VAT1L: variants seen among roughly 807,000 people sequenced by gnomAD.
VAT1L encodes putative NADPH-dependent quinone oxidoreductase VAT1L.
In VAT1L, 34 loss-of-function variants were observed where a neutral mutation model predicts 44.1. The ratio of observed to expected loss-of-function variants is 0.77; its 90% confidence interval spans 0.59 to 1.03. The LOEUF is 1.03. Ranked by LOEUF, VAT1L falls within the 50% of genes least tolerant of loss-of-function variation. The pLI is 0.00. For synonymous variants in VAT1L, 253 were observed against 202.2 expected (o/e 1.25, Z -2.13); for missense variants, 615 against 538.8 (o/e 1.14, Z -1.40).
chr16:77,823,111 A>G (rs558650437), intron 2 of VAT1L, among the ~76,000 whole-genome samples: 2 of 152,144 alleles, frequency 1.3e-5, no homozygotes, highest in Admixed American at 6.5e-5. Flanking sequence ...ACTGAGGCTG[A>G]AGCAGCTCTA....
rs1409758135 is a variant in VAT1L, at chr16:77,884,093, G to T, written c.883-515G>T. Among the ~76,000 whole-genome samples, 6 of 152,096 alleles carry T rather than the reference G, an allele frequency of 3.9e-5. No individual in the cohort carries two copies. Among genetic ancestry groups the T allele is most frequent in the African/African-American group, 1.4e-4 (6 of 41,404 alleles). ...AGTTTTGGGCTCTCTCTCCCACTTA[G>T]ACCTGAGCGTCTCATAAGCATCAAT... On this transcript the variant is annotated intron_variant, in intron 6 of 8. Transcript: ENST00000302536. The surrounding 1 kb of genome is among the most constrained non-coding windows in gnomAD (Gnocchi z 4.5).
chr16:77,814,665 G>C (rs966966914), intron 1 of VAT1L, among the ~76,000 whole-genome samples: 9 of 152,178 alleles, frequency 5.9e-5, no homozygotes, highest in African/African-American at 1.7e-4. Flanking sequence ...AACACAATGA[G>C]CTAAAATATA....
intron 7 of VAT1L, among the ~76,000 whole-genome samples, chr16:77,910,103 GA>G (rs1299457427): frequency 6.6e-6 from 1 of 152,164 alleles, no homozygotes; most frequent in East Asian, 1.9e-4. Context: ...GCAAACATAT[GA>G]ATTATTCTCA....
At chr16:77,934,470 A>C (rs972076639) in intron 7 of VAT1L, among the ~76,000 whole-genome samples, 10 of 152,188 alleles carry the variant, frequency 6.6e-5, no homozygotes, top group Admixed American at 4.6e-4. Context: ...CAAACAAAAA[A>C]AAATGGATTC....
At chr16:77,956,194 A>G (rs2018101592) in intron 7 of VAT1L, among the ~76,000 whole-genome samples, 1 of 152,194 alleles carries the variant, frequency 6.6e-6, no homozygotes, top group Non-Finnish European at 1.5e-5. Flanking sequence ...TACCCCATAA[A>G]TATACATACT....
At chr16:77,923,034 G>A (rs561531459) in intron 7 of VAT1L, among the ~76,000 whole-genome samples, 12 of 152,306 alleles carry the variant, frequency 7.9e-5, no homozygotes, top group East Asian at 7.7e-4. Flanking sequence ...GCAGTTCCTT[G>A]CCACAGTGGT....
intron 3 of VAT1L, among the ~76,000 whole-genome samples, chr16:77,828,822 C>A (rs532623721): frequency 7.9e-5 from 12 of 152,230 alleles, no homozygotes; most frequent in Middle Eastern, 3.4e-3. Context: ...GAAATGGATT[C>A]GCCTCTTGAG....
At chr16:77,932,223 C>T (rs2017739817) in intron 7 of VAT1L, among the ~76,000 whole-genome samples, 1 of 151,342 alleles carries the variant, frequency 6.6e-6, no homozygotes, top group Non-Finnish European at 1.5e-5. Flanking sequence ...CCTGCCTCAG[C>T]CTCCCAAGTA....
intron 7 of VAT1L, among the ~76,000 whole-genome samples, chr16:77,921,103 A>G (rs1324843611): frequency 6.6e-6 from 1 of 152,192 alleles, no homozygotes. Context: ...CTACCTGGAA[A>G]TCTGTTTGCA....
intron 7 of VAT1L, among the ~76,000 whole-genome samples, chr16:77,925,835 T>G (rs993106775): frequency 6.7e-6 from 1 of 148,560 alleles, no homozygotes; most frequent in East Asian, 2.0e-4. Flanking sequence ...CTTCCTTTAA[T>G]TCCCCCCACC....
At chr16:77,796,691 G>T (rs1597161342) in intron 1 of VAT1L, among the ~76,000 whole-genome samples, 1 of 152,154 alleles carries the variant, frequency 6.6e-6, no homozygotes, top group Non-Finnish European at 1.5e-5. Flanking sequence ...AAATGACTTG[G>T]GCTTTTACAT....
chr16:77,909,429 G>C (rs1017325205), intron 7 of VAT1L, among the ~76,000 whole-genome samples: 2 of 152,050 alleles, frequency 1.3e-5, no homozygotes, highest in Non-Finnish European at 1.5e-5. Flanking sequence ...TTGAGGTCAG[G>C]AGTTCGAGAC....
chr16:77,937,204 A>G (rs899537782), intron 7 of VAT1L, among the ~76,000 whole-genome samples: 2 of 152,146 alleles, frequency 1.3e-5, no homozygotes, highest in African/African-American at 4.8e-5. Context: ...TTGAGAGCCC[A>G]CCTGGGAGTA....
intron 7 of VAT1L, among the ~76,000 whole-genome samples, chr16:77,908,439 G>C (rs759502068): frequency 2.1e-5 from 3 of 144,240 alleles, no homozygotes; most frequent in Non-Finnish European, 4.5e-5. Flanking sequence ...CCTCCAGGCT[G>C]GGGGACAAGA....
intron 1 of VAT1L, among the ~76,000 whole-genome samples, chr16:77,797,849 C>G (rs551506643): frequency 1.8e-4 from 28 of 152,234 alleles, no homozygotes; most frequent in Admixed American, 1.7e-3. Flanking sequence ...GAAAGGGTGG[C>G]GAGCATGTAA....
rs140504779 is a variant in VAT1L, at chr16:77,921,032, C to T, written c.1077+36230C>T. On this transcript the variant is annotated intron_variant, in intron 7 of 8. Transcript: ENST00000302536. ...CAGAAGTTAACACAAATATCCATTTCATTAGATCAGCAGTGGCAAATCAGC... is the reference window on the plus strand; with the variant it reads ...CAGAAGTTAACACAAATATCCATTTTATTAGATCAGCAGTGGCAAATCAGC... Among the ~76,000 whole-genome samples the T allele has an allele frequency of 6.9e-3, 1,057 of 152,234 alleles. 14 individuals are homozygous for T. The highest frequency in any genetic ancestry group is 0.024 in the African/African-American group (1,005 of 41,536).
intron 7 of VAT1L, among the ~76,000 whole-genome samples, chr16:77,906,331 A>T (rs1175211955): frequency 6.6e-6 from 1 of 152,232 alleles, no homozygotes; most frequent in African/African-American, 2.4e-5. Flanking sequence ...GGGGAAAACC[A>T]GGCAAAGCTT....
At chr16:77,936,285 G>A (rs555073565) in intron 7 of VAT1L, among the ~76,000 whole-genome samples, 1 of 152,138 alleles carries the variant, frequency 6.6e-6, no homozygotes, top group South Asian at 2.1e-4. Context: ...TAAACCCTCT[G>A]GGACAATTTT....
chr16:77,934,468 A>C (rs372931457), intron 7 of VAT1L, among the ~76,000 whole-genome samples: 41 of 152,246 alleles, frequency 2.7e-4, no homozygotes, highest in African/African-American at 2.6e-4. Flanking sequence ...AACAAACAAA[A>C]AAAAATGGAT....
Sources: gnomAD v4.1 joint callset for allele counts (sites outside exome capture counted in the v4.1 genomes callset) on GRCh38, gnomAD v4.1.1 for gene constraint, Gnocchi (gnomAD v3.1) non-coding constraint, MANE v1.5 for transcripts, NCBI Gene and HGNC (gene_info 2026-07-23, HGNC 2026-07-21) for gene names.